The following JAK2 variants were observed in gnomAD, a reference collection of about 807,000 sequenced individuals.
The protein encoded by JAK2 is Janus kinase 2.
Under a neutral mutation model 139.3 loss-of-function variants are expected in JAK2, and 86 were observed. The observed-to-expected ratio is 0.62, with a 90% CI of 0.52 to 0.74. The LOEUF (loss-of-function observed/expected upper bound fraction) is 0.74, where lower values mean the gene tolerates loss of function less well. Ranked by LOEUF, JAK2 falls within the 30% of genes least tolerant of loss-of-function variation. The pLI is 0.00. For synonymous variants in JAK2, 490 were observed against 437.7 expected (o/e 1.12, Z -1.49); for missense variants, 1,421 against 1,360.3 (o/e 1.04, Z -0.70).
chr9:5,019,715 G>C (rs1202070017), intron 2 of JAK2, among the ~76,000 whole-genome samples: 1 of 152,106 alleles, frequency 6.6e-6, no homozygotes, highest in Admixed American at 6.5e-5. Flanking sequence ...CTGAAGATTT[G>C]ACTGGGGTGT....
intron 19 of JAK2, among the ~76,000 whole-genome samples, chr9:5,089,399 G>A (rs1984743): frequency 6.6e-6 from 1 of 151,962 alleles, no homozygotes; most frequent in African/African-American, 2.4e-5. Flanking sequence ...TTAGCTGGGC[G>A]TATTGGCGGG....
At chr9:5,106,108 T>G (rs1305105890) in intron 22 of JAK2, among the ~76,000 whole-genome samples, 1 of 152,008 alleles carries the variant, frequency 6.6e-6, no homozygotes, top group East Asian at 1.9e-4. Context: ...CAAACTACCA[T>G]TAGAGTGGAC....
chr9:5,071,644 G>T (rs1818955692), intron 12 of JAK2, among the ~76,000 whole-genome samples: 1 of 152,164 alleles, frequency 6.6e-6, no homozygotes, highest in South Asian at 2.1e-4. Context: ...TGGATTATAT[G>T]AAAGAGGGAT....
At chr9:5,072,414 C>A in intron 12 of JAK2, 78 bp from the exon 13 acceptor site, 1 of 1,086,804 alleles carries the variant, frequency 9.2e-7, no homozygotes, top group South Asian at 2.5e-5. Flanking sequence ...AAAATTCTTC[C>A]TCATTGAATG....
At chr9:5,106,908 C>T (rs1822007921) in intron 22 of JAK2, among the ~76,000 whole-genome samples, 2 of 152,000 alleles carry the variant, frequency 1.3e-5, no homozygotes, top group South Asian at 4.1e-4. Context: ...GGAGGGATAG[C>T]ATTAGGAGAA....
chr9:5,078,627 A>G (rs1269847115), intron 16 of JAK2, among the ~76,000 whole-genome samples, 183 bp downstream of exon 16: 1 of 152,166 alleles, frequency 6.6e-6, no homozygotes, highest in Non-Finnish European at 1.5e-5. Context: ...CTTTCTTATA[A>G]GCATATAACC....
chr9:5,122,161 A>G (rs992691411), intron 22 of JAK2, among the ~76,000 whole-genome samples: 1 of 152,124 alleles, frequency 6.6e-6, no homozygotes, highest in African/African-American at 2.4e-5. Context: ...AGGAGAGATT[A>G]AATCTATGTA....
rs553115550 is a variant in JAK2, at chr9:5,113,306, T to G, written c.3060-9698T>G. Among the ~76,000 whole-genome samples the G allele has an allele frequency of 7.7e-5, 11 of 142,290 alleles. No homozygotes were observed. In the South Asian group the frequency reaches 2.5e-3, roughly 32 times the overall value. 93.3% of individuals were successfully genotyped at this position (142,290 alleles called of 152,430 possible). ...GCCTTAACTATAAAATGTGGAGAAA[T>G]CGTAACATATCACTTGAGGGAGATG... On this transcript the variant is annotated intron_variant, in intron 22 of 24. Transcript: ENST00000381652.
intron 22 of JAK2, among the ~76,000 whole-genome samples, chr9:5,104,709 C>T (rs1821811838): frequency 6.6e-6 from 1 of 152,230 alleles, no homozygotes; most frequent in African/African-American, 2.4e-5. Flanking sequence ...GCTTATCAAC[C>T]ACGATCAAGT....
intron 2 of JAK2, among the ~76,000 whole-genome samples, chr9:4,987,858 T>A (rs1480554596): frequency 6.6e-6 from 1 of 152,198 alleles, no homozygotes; most frequent in South Asian, 2.1e-4. Flanking sequence ...ACTGCCTGGC[T>A]GTCATAAAAG....
chr9:5,024,310 C>T (rs1043147614), intron 3 of JAK2, among the ~76,000 whole-genome samples: 2 of 151,924 alleles, frequency 1.3e-5, no homozygotes, highest in Non-Finnish European at 2.9e-5. Context: ...TAAGATTTTG[C>T]TTTAGCTTGT....
chr9:5,048,879 G>A (rs1234014114), intron 5 of JAK2, among the ~76,000 whole-genome samples: 1 of 152,116 alleles, frequency 6.6e-6, no homozygotes, highest in African/African-American at 2.4e-5. Context: ...GATTCGCATT[G>A]TTATTTTAGG....
intron 23 of JAK2, among the ~76,000 whole-genome samples, chr9:5,124,231 A>G (rs928831784): frequency 6.6e-6 from 1 of 151,752 alleles, no homozygotes; most frequent in African/African-American, 2.4e-5. Context: ...TCATTTGTCT[A>G]TTTTTGGTTT....
chr9:5,081,177 G>C (rs1205354685), intron 18 of JAK2, among the ~76,000 whole-genome samples: 1 of 151,824 alleles, frequency 6.6e-6, no homozygotes. Context: ...TTACAGGCTT[G>C]AGCCACCGCT....
intron 8 of JAK2, among the ~76,000 whole-genome samples, chr9:5,058,571 G>A (rs996593261): frequency 4.6e-5 from 7 of 152,170 alleles, no homozygotes; most frequent in Admixed American, 1.3e-4. Context: ...GTCATACCTA[G>A]AAGTAGAATT....
At chr9:5,085,075 CTT>C in intron 19 of JAK2, 1 of 682,162 alleles carries the variant, frequency 1.5e-6, no homozygotes, top group Non-Finnish European at 2.7e-6. Flanking sequence ...ACTGCTCTCT[CTT>C]ATTGCTTCAT....
intron 22 of JAK2, chr9:5,114,446 C>T: frequency 2.1e-6 from 1 of 479,586 alleles, no homozygotes; most frequent in Non-Finnish European, 4.1e-6. Flanking sequence ...GGGTGACCCA[C>T]ACCCACCTGC....
At chr9:5,035,552 A>G (rs1170351437) in intron 4 of JAK2, among the ~76,000 whole-genome samples, 1 of 152,366 alleles carries the variant, frequency 6.6e-6, no homozygotes, top group Non-Finnish European at 1.5e-5. Flanking sequence ...AGTGGGCTTC[A>G]TGCCTGGGAT....
chr9:5,041,868 G>A, intron 4 of JAK2: 2 of 456,252 alleles, frequency 4.4e-6, no homozygotes, highest in Non-Finnish European at 4.3e-6. Context: ...CCCCATGGCC[G>A]GCCACTCCAG....
Sources: gnomAD v4.1 joint callset for allele counts (sites outside exome capture counted in the v4.1 genomes callset) on GRCh38, gnomAD v4.1.1 for gene constraint, MANE v1.5 for transcripts, NCBI Gene and HGNC (gene_info 2026-07-23, HGNC 2026-07-21) for gene names.